The following PAK4 variants were observed in gnomAD, a reference collection of about 807,000 sequenced individuals.
PAK4 encodes p21 (RAC1) activated kinase 4, also known as serine/threonine-protein kinase PAK 4.
A neutral mutation model predicts 53.5 loss-of-function variants in PAK4; 49 were observed. The ratio of observed to expected loss-of-function variants is 0.92; its 90% CI spans 0.73 to 1.16. PAK4 has a LOEUF of 1.16. Among genes scored for constraint, PAK4 ranks in the 50% most tolerant of loss-of-function variants. The pLI is 0.00. For synonymous variants in PAK4, 376 were observed against 375.6 expected (o/e 1.00, Z -0.01); for missense variants, 824 against 850.7 (o/e 0.97, Z 0.39).
At position 39,173,302 on chromosome 19, in the gene PAK4, G is replaced by C. The variant is rs1339345506; in HGVS notation, c.589G>C (p.Ala197Pro). Reference sequence around the variant, plus strand: ...CCAGCCTGCTGGTCTGGCCAGTGGGGCGAAACTGGCAGCTGGCCGGCCCTT... The same window carrying C: ...CCAGCCTGCTGGTCTGGCCAGTGGGCCGAAACTGGCAGCTGGCCGGCCCTT... Residue 197 changes from alanine to proline, a missense_variant, in exon 3 of 9, where the codon GCG becomes CCG. This residue lies in a region of PAK4 where 478 missense variants were observed against 435.8 expected (regional missense o/e 1.10). Transcript: ENST00000358301. The surrounding 1 kb of genome is among the most constrained non-coding windows in gnomAD (Gnocchi z 6.9). 6.2e-7 allele frequency: 1 copy of C among 1,600,832 alleles called. No individual in the cohort carries two copies. Among genetic ancestry groups the C allele is most frequent in the African/African-American group, 1.3e-5 (1 of 74,506 alleles).
At chr19:39,174,294 G>A (rs1373941705) in intron 4 of PAK4, among the ~76,000 whole-genome samples, 2 of 151,668 alleles carry the variant, frequency 1.3e-5, no homozygotes, top group African/African-American at 4.8e-5. Flanking sequence ...ACCCACTGAG[G>A]CCCGCCTGGG....
chr19:39,156,141 T>A (rs2074176119), intron 1 of PAK4, among the ~76,000 whole-genome samples: 2 of 152,150 alleles, frequency 1.3e-5, no homozygotes, highest in Admixed American at 6.5e-5. Flanking sequence ...CTCAGATTCC[T>A]CCTCATGGGT....
In PAK4 at chr19:39,173,643, C is replaced by G. The variant is rs771728038; in HGVS notation, c.731C>G (p.Ser244Cys). ...GGCCTGGCCATCCCCCAGTCCTCCTCCTCCTCCTCCCGGCCTCCCACCCGA... is the reference window on the plus strand; with the variant it reads ...GGCCTGGCCATCCCCCAGTCCTCCTGCTCCTCCTCCCGGCCTCCCACCCGA... The change falls in exon 4 of 9, where the codon TCC becomes TGC. Residue 244 changes from serine to cysteine, a missense_variant. Coordinates refer to ENST00000358301, the Ensembl canonical transcript of PAK4. This position sits in a 1 kb window ranked among gnomAD's most constrained non-coding sequence, Gnocchi z 6.9. The G allele has an allele frequency of 1.3e-6, 2 of 1,571,480 alleles. No individual in the cohort carries two copies. The highest frequency in any genetic ancestry group is 1.4e-5 in the African/African-American group (1 of 73,856).
Position 39,161,227 on chromosome 19 carries a change from G to A in PAK4, c.-22-8305G>A, listed in dbSNP as rs544462354. ...ATGCAGCCATCATGAACCAAAACGCGGTCCCTGTCCATATGAGTCACTGAC... is the reference window on the plus strand; with the variant it reads ...ATGCAGCCATCATGAACCAAAACGCAGTCCCTGTCCATATGAGTCACTGAC... On this transcript the variant is annotated intron_variant, in intron 1 of 8. Transcript: ENST00000358301. The surrounding 1 kb of genome is among the most constrained non-coding windows in gnomAD (Gnocchi z 4.5). 7.2e-5 allele frequency among the ~76,000 whole-genome samples: 11 copies of A among 152,304 alleles called. No homozygotes were observed. The East Asian group carries it at 1.5e-3, about 21-fold the overall frequency.
chr19:39,129,696 C>T (rs1235382493), intron 1 of PAK4, among the ~76,000 whole-genome samples: 2 of 147,608 alleles, frequency 1.4e-5, no homozygotes, highest in African/African-American at 2.5e-5. Context: ...GCTGGGACCT[C>T]GTCCCCACTG....
chr19:39,157,335 G>C (rs1190819956), intron 1 of PAK4, among the ~76,000 whole-genome samples: 1 of 152,110 alleles, frequency 6.6e-6, no homozygotes, highest in Non-Finnish European at 1.5e-5. Flanking sequence ...GGCATTGTGT[G>C]TATACACACG....
At chr19:39,130,027 C>T (rs1029451956) in intron 1 of PAK4, among the ~76,000 whole-genome samples, 5 of 144,766 alleles carry the variant, frequency 3.5e-5, no homozygotes, top group South Asian at 2.3e-4. Context: ...TGTCCCCAGA[C>T]GGTGACAGCC....
At chr19:39,174,061 C>T (rs1360405013) in intron 4 of PAK4, 51 bp downstream of exon 5, 5 of 1,135,952 alleles carry the variant, frequency 4.4e-6, no homozygotes, top group Admixed American at 2.1e-5. Flanking sequence ...CCCCTCCCTC[C>T]CACCCTCCCT....
intron 1 of PAK4, among the ~76,000 whole-genome samples, chr19:39,138,970 C>G (rs895493665): frequency 3.3e-5 from 5 of 152,104 alleles, no homozygotes; most frequent in Non-Finnish European, 2.9e-5. Context: ...TCTCCATCCC[C>G]CACTGAGCTG....
Position 39,175,234 on chromosome 19 carries a change from T to C in PAK4, c.1233-78T>C, listed in dbSNP as rs374029877. The C allele has an allele frequency of 1.3e-5, 19 of 1,501,982 alleles. No homozygotes were observed. Among genetic ancestry groups the C allele is most frequent in the Non-Finnish European group, 1.6e-5 (18 of 1,109,332 alleles). 93.0% of individuals were successfully genotyped at this position (1,501,982 alleles called of 1,614,324 possible). ...TCGAGTGGTCTCAGATTCCTCCCAC[T>C]GCAAGGCAGGGCTGCGTCCCCCTCG... On this transcript the variant is annotated intron_variant, in intron 5 of 8. Transcript: ENST00000358301. This position sits in a 1 kb window ranked among gnomAD's most constrained non-coding sequence, Gnocchi z 4.7.
At chr19:39,154,097 T>A (rs910967744) in intron 1 of PAK4, among the ~76,000 whole-genome samples, 1 of 152,188 alleles carries the variant, frequency 6.6e-6, no homozygotes, top group Non-Finnish European at 1.5e-5. Context: ...CTCCCTATCA[T>A]GTGCGGTGCC....
Position 39,178,803 on chromosome 19 carries a change from A to C in PAK4, c.*224A>C. ...CGTGGGAGCAAGCGAGGCTCCCAGG[A>C]CCCCCACCCTCTGGGACAGGCCCTC... On this transcript the variant is annotated 3_prime_UTR_variant, in exon 9 of 9. Transcript: ENST00000358301. The surrounding 1 kb of genome is among the most constrained non-coding windows in gnomAD (Gnocchi z 4.4). 3 of 469,306 alleles carry C rather than the reference A, an allele frequency of 6.4e-6. No homozygotes were observed. Among genetic ancestry groups the C allele is most frequent in the Non-Finnish European group, 1.1e-5 (3 of 265,496 alleles). 29.1% of individuals were successfully genotyped at this position (469,306 alleles called of 1,614,324 possible). A position where few individuals can be genotyped will look rare whatever the true frequency, so the allele number is the denominator to read the frequency against.
At position 39,126,701 on chromosome 19, in the gene PAK4, C is replaced by T. The variant is rs1265665355; in HGVS notation, c.-23+782C>T. On this transcript the variant is annotated intron_variant, in intron 1 of 8. Coordinates refer to ENST00000358301, the Ensembl canonical transcript of PAK4. The stretch of plus-strand genomic sequence containing the variant: ...TGGGATTCTAACTCCGGAGTTCTGG[C>T]CCAGAGCCCTGCTCTGGCCGACCGC... Among the ~76,000 whole-genome samples, 9 of 152,218 alleles carry T rather than the reference C, an allele frequency of 5.9e-5. No individual in the cohort carries two copies. In the South Asian group the frequency reaches 1.9e-3, roughly 32 times the overall value.
At chr19:39,139,378 T>A (rs916990662) in intron 1 of PAK4, among the ~76,000 whole-genome samples, 2 of 151,988 alleles carry the variant, frequency 1.3e-5, no homozygotes. Context: ...CCCAGCGGGA[T>A]AAAGGGTTCG....
chr19:39,157,526 C>G (rs1295787429), intron 1 of PAK4, among the ~76,000 whole-genome samples: 1 of 152,194 alleles, frequency 6.6e-6, no homozygotes, highest in African/African-American at 2.4e-5. Flanking sequence ...CTGAGCCAGG[C>G]TGGCTTTAAG....
At position 39,175,542 on chromosome 19, in the gene PAK4, G is replaced by A; in HGVS notation, c.1359+104G>A. ...AGGGTAGGTGAGCTCTGACCCCCAG[G>A]TCTGTGTCTTGAGGAGCTGGGAACT... On this transcript the variant is annotated intron_variant, in intron 6 of 8. Coordinates refer to ENST00000358301, the Ensembl canonical transcript of PAK4. This position sits in a 1 kb window ranked among gnomAD's most constrained non-coding sequence, Gnocchi z 4.7. The A allele has an allele frequency of 7.9e-7, 1 of 1,269,098 alleles. No homozygotes were observed. Among genetic ancestry groups the A allele is most frequent in the Non-Finnish European group, 1.1e-6 (1 of 916,682 alleles). The allele number at this position is 1,269,098 out of a possible 1,614,324, so 78.6% of individuals were successfully genotyped here.
At chr19:39,126,189 A>G (rs1427546713) in intron 1 of PAK4, among the ~76,000 whole-genome samples, 5 of 151,624 alleles carry the variant, frequency 3.3e-5, no homozygotes, top group Admixed American at 2.0e-4. Flanking sequence ...GAGTCTCAAA[A>G]AAGGCAGGGT....
chr19:39,176,368 T>G (rs1419282858), intron 6 of PAK4: 1 of 606,430 alleles, frequency 1.6e-6, no homozygotes. Context: ...GGGAGGGAAA[T>G]GGGGGGATCG....
At chr19:39,147,841 GTTTTTTTTTTT>G (rs35845376) in intron 1 of PAK4, among the ~76,000 whole-genome samples, 7 of 13,240 alleles carry the variant, frequency 5.3e-4, no homozygotes, top group South Asian at 2.3e-3. Context: ...TTGTTTTCGG[GTTTTTTTTTTT>G]TTTTTTTTTT....
Sources: allele counts gnomAD v4.1 joint callset (sites outside exome capture counted in the v4.1 genomes callset), GRCh38; gene constraint gnomAD v4.1.1; regional missense constraint gnomAD v4.1.1; non-coding constraint Gnocchi (gnomAD v3.1); transcripts MANE v1.5; gene names NCBI Gene and HGNC (gene_info 2026-07-23, HGNC 2026-07-21).